The following NSD3 variants were observed in gnomAD, a reference collection of about 807,000 sequenced individuals.
NSD3 encodes histone-lysine N-methyltransferase NSD3.
A neutral mutation model predicts 160.8 loss-of-function variants in NSD3; 24 were observed. The ratio of observed to expected loss-of-function variants is 0.15; its 90% CI spans 0.11 to 0.21. The LOEUF is 0.21. NSD3 is among the 10% of genes least tolerant of loss of function. The pLI is 1.00. For synonymous variants in NSD3, 520 were observed against 600.0 expected (o/e 0.87, Z 1.95); for missense variants, 1,157 against 1,735.9 (o/e 0.67, Z 5.93).
At chr8:38,289,869 C>T (rs1466894969) in intron 17 of NSD3, among the ~76,000 whole-genome samples, 1 of 152,188 alleles carries the variant, frequency 6.6e-6, no homozygotes, top group Non-Finnish European at 1.5e-5. Flanking sequence ...TAAGGCTTTT[C>T]ATGGCAAGTC....
intron 4 of NSD3, among the ~76,000 whole-genome samples, chr8:38,334,224 A>G (rs930048657): frequency 4.6e-5 from 7 of 152,366 alleles, no homozygotes; most frequent in Admixed American, 3.9e-4. Context: ...CACTGATACC[A>G]TGTTAAAACA....
chr8:38,338,720 G>A, intron 2 of NSD3, 113 bp from the exon 3 acceptor site: 2 of 835,526 alleles, frequency 2.4e-6, no homozygotes, highest in Non-Finnish European at 4.0e-6. Context: ...GAGAATAAAG[G>A]GCATTTATTA....
At position 38,288,498 on chromosome 8, in the gene NSD3, T is replaced by C. The variant is rs1808918326; in HGVS notation, c.3490A>G (p.Ser1164Gly). The C allele has an allele frequency of 1.2e-6, 2 of 1,613,966 alleles. No homozygotes were observed. The highest frequency in any genetic ancestry group is 1.7e-6 in the Non-Finnish European group (2 of 1,179,872). Residue 1164 changes from serine (S) to glycine (G), a missense_variant, in exon 19 of 24, where the codon AGC becomes GGC. By Grantham distance (56) the Ser-to-Gly change is moderately conservative. Around this residue, in one of 10 missense-constraint regions of NSD3, gnomAD observed 222 missense variants for 409.9 expected, o/e 0.54. Transcript: ENST00000317025. This position sits in a 1 kb window ranked among gnomAD's most constrained non-coding sequence, Gnocchi z 4.5. Reference sequence around the variant, plus strand: ...CCATCCCATGCTACCTTCTTAATGCTCCTTTTGGTCCTGAGGCCCCAGCCT... The same window carrying C: ...CCATCCCATGCTACCTTCTTAATGCCCCTTTTGGTCCTGAGGCCCCAGCCT... ...RRGWGLRTKR[S>G]IKKGEFVNEY...
intron 1 of NSD3, among the ~76,000 whole-genome samples, chr8:38,364,971 A>G (rs548546377): frequency 1.3e-5 from 2 of 152,356 alleles, no homozygotes; most frequent in South Asian, 4.1e-4. Context: ...AAGAACAGGC[A>G]TTTGAGTAAA....
chr8:38,276,075 C>T (rs538841959), intron 23 of NSD3, among the ~76,000 whole-genome samples, 193 bp from the exon 24 acceptor site: 3 of 152,256 alleles, frequency 2.0e-5, no homozygotes, highest in South Asian at 4.1e-4. Flanking sequence ...CAAAACCCAA[C>T]GCCACAGGTA....
chr8:38,373,881 T>C (rs1811319685), intron 1 of NSD3, among the ~76,000 whole-genome samples: 1 of 137,526 alleles, frequency 7.3e-6, no homozygotes, highest in Admixed American at 8.5e-5. Flanking sequence ...GAGGATTGGT[T>C]GAGCCCAGGA....
At chr8:38,360,672 A>G (rs1459514946) in intron 1 of NSD3, among the ~76,000 whole-genome samples, 1 of 152,218 alleles carries the variant, frequency 6.6e-6, no homozygotes, top group Non-Finnish European at 1.5e-5. Flanking sequence ...ATCTTGACTT[A>G]AAGGTACTTT....
Position 38,318,349 on chromosome 8 carries a change from A to C in NSD3, c.1855+546T>G, listed in dbSNP as rs2131024040. Among the ~76,000 whole-genome samples the C allele has an allele frequency of 6.6e-6, 1 of 152,362 alleles. No homozygotes were observed. The highest frequency in any genetic ancestry group is 2.1e-4 in the South Asian group (1 of 4,830). ...GTCAAATTGCACACAGAAAATACAG[A>C]TATAAGTTTAAGCTTTCTTAAACTT... On this transcript the variant is annotated intron_variant, in intron 9 of 23. Coordinates refer to ENST00000317025, the MANE Select transcript of NSD3 (RefSeq NM_023034.2). This position sits in a 1 kb window ranked among gnomAD's most constrained non-coding sequence, Gnocchi z 5.3.
chr8:38,372,653 C>A (rs1467747973), intron 1 of NSD3, among the ~76,000 whole-genome samples: 2 of 151,350 alleles, frequency 1.3e-5, no homozygotes, highest in East Asian at 2.0e-4. Context: ...CCTGCCACCA[C>A]GCCTGGCTAA....
intron 7 of NSD3, 83 bp downstream of exon 7, chr8:38,326,647 T>C (rs1030148960): frequency 3.7e-6 from 5 of 1,339,588 alleles, no homozygotes; most frequent in Middle Eastern, 2.1e-4. Context: ...AAGAGTTTCT[T>C]AGAAACACAG....
intron 4 of NSD3, among the ~76,000 whole-genome samples, chr8:38,335,648 A>T (rs1324508983): frequency 1.3e-5 from 2 of 152,128 alleles, no homozygotes; most frequent in Non-Finnish European, 2.9e-5. Context: ...CTAGTCCAAT[A>T]CCCTTCTTAT....
chr8:38,315,347 G>A, intron 11 of NSD3, 69 bp downstream of exon 11: 2 of 1,448,932 alleles, frequency 1.4e-6, no homozygotes, highest in Non-Finnish European at 1.8e-6. Flanking sequence ...TCTTCAACAG[G>A]AGTTAAGTCT....
At chr8:38,354,628 A>G (rs1810778238) in intron 1 of NSD3, among the ~76,000 whole-genome samples, 1 of 152,196 alleles carries the variant, frequency 6.6e-6, no homozygotes. Context: ...CCTAGAGTAA[A>G]GCAAATGAGA....
chr8:38,279,763 G>C, intron 20 of NSD3, 82 bp from the exon 21 acceptor site: 1 of 1,458,902 alleles, frequency 6.9e-7, no homozygotes, highest in Non-Finnish European at 9.2e-7. Flanking sequence ...ATCACAGGCA[G>C]CAGCATTTTG....
rs773090420 is a variant in NSD3, at chr8:38,329,340, T to C, written c.1581+38A>G. ...ATGCCAAGGTTGACCACTTTTAAAA[T>C]ACCATCCCCCAAAAAACTCCACGAA... On this transcript the variant is annotated intron_variant, in intron 6 of 23. Coordinates refer to ENST00000317025, the MANE Select transcript of NSD3 (RefSeq NM_023034.2). The surrounding 1 kb of genome is among the most constrained non-coding windows in gnomAD (Gnocchi z 4.8). The C allele has an allele frequency of 1.3e-6, 2 of 1,586,208 alleles. No homozygotes were observed. Among genetic ancestry groups the C allele is most frequent in the Admixed American group, 3.6e-5 (2 of 56,240 alleles).
At chr8:38,361,987 T>C (rs1810979107) in intron 1 of NSD3, among the ~76,000 whole-genome samples, 1 of 151,998 alleles carries the variant, frequency 6.6e-6, no homozygotes, top group African/African-American at 2.4e-5. Flanking sequence ...AGAACCTTCT[T>C]GGCTTCTTAA....
chr8:38,347,666 T>G lies in NSD3; in HGVS notation c.506A>C (p.Glu169Ala), dbSNP rs1412296132. ...KTIQNGRELFESSLCGDLLNE... is the reference protein window; with the variant it reads ...KTIQNGRELFASSLCGDLLNE... ...TAAAAGGTCTCCACAAAGGGAAGAC[T>G]CAAACAATTCCCTGCCATTCTGGAT... The change falls in exon 2 of 24, where the codon GAG becomes GCG. Residue 169 changes from glutamate to alanine, a missense_variant. Coordinates refer to ENST00000317025, the MANE Select transcript of NSD3 (RefSeq NM_023034.2). The G allele has an allele frequency of 9.9e-6, 16 of 1,613,258 alleles. No homozygotes were observed. The highest frequency in any genetic ancestry group is 1.4e-5 in the Non-Finnish European group (16 of 1,180,042).
In NSD3 at chr8:38,337,491, T is replaced by C. The variant is rs940059891; in HGVS notation, c.748-24A>G. ...ACCTACAGGAAAGGGTCAAAAAACT[T>C]CATCAGAAATTCAAAAAAAGAAACT... On this transcript the variant is annotated intron_variant, in intron 3 of 23. Coordinates refer to ENST00000317025, the MANE Select transcript of NSD3 (RefSeq NM_023034.2). The C allele has an allele frequency of 3.3e-5, 50 of 1,523,812 alleles. No individual in the cohort carries two copies. In the Admixed American group the frequency reaches 8.8e-4, roughly 27 times the overall value. The allele number at this position is 1,523,812 out of a possible 1,614,324, so 94.4% of individuals were successfully genotyped here.
intron 4 of NSD3, among the ~76,000 whole-genome samples, chr8:38,332,946 G>A (rs1344894836): frequency 1.3e-5 from 2 of 151,942 alleles, no homozygotes; most frequent in African/African-American, 2.4e-5. Context: ...AGGCAACAGT[G>A]GACTCAGATT....
Sources: allele counts gnomAD v4.1 joint callset (sites outside exome capture counted in the v4.1 genomes callset), GRCh38; gene constraint gnomAD v4.1.1; regional missense constraint gnomAD v4.1.1; non-coding constraint Gnocchi (gnomAD v3.1); transcripts MANE v1.5; gene names NCBI Gene and HGNC (gene_info 2026-07-23, HGNC 2026-07-21).